The following IQCM variants were observed in gnomAD, a reference collection of about 807,000 sequenced individuals.
The protein encoded by IQCM is IQ domain-containing protein M.
A neutral mutation model predicts 57.6 loss-of-function variants in IQCM; 45 were observed. That is an observed-to-expected ratio of 0.78 (90% CI 0.62 to 1.00). The LOEUF (loss-of-function observed/expected upper bound fraction) is 1.00. IQCM is among the 50% of genes least tolerant of loss of function. The pLI, the probability that IQCM is intolerant of heterozygous loss-of-function variation, is 0.00. For synonymous variants in IQCM, 148 were observed against 158.9 expected (o/e 0.93, Z 0.51); for missense variants, 468 against 511.6 (o/e 0.91, Z 0.82).
At chr4:149,495,335 A>C (rs191408629) in intron 12 of IQCM, among the ~76,000 whole-genome samples, 1 of 152,226 alleles carries the variant, frequency 6.6e-6, no homozygotes, top group Admixed American at 6.5e-5. Flanking sequence ...TGAGCTAAGC[A>C]CTAGTTTGAG....
intron 12 of IQCM, among the ~76,000 whole-genome samples, chr4:149,531,256 T>G (rs2149852426): frequency 6.6e-6 from 1 of 152,328 alleles, no homozygotes; most frequent in Middle Eastern, 3.4e-3. Flanking sequence ...GTTTTACCTC[T>G]TAAGCATCTG....
rs554571130 is a variant in IQCM, at chr4:149,356,444, G to A, written c.1391-4378C>T. Among the ~76,000 whole-genome samples, 50 of 151,944 alleles carry A rather than the reference G, an allele frequency of 3.3e-4. 1 individual carries two copies. The South Asian group carries it at 1.0e-2, about 30-fold the overall frequency. On this transcript the variant is annotated intron_variant, in intron 13 of 13. Transcript: ENST00000636793. ...GTATAAGGTGTAAGGAAGGGATCCA[G>A]TTTCAGCTTTCTACATATGGCTAGC...
At chr4:149,652,369 G>A (rs957429109) in intron 7 of IQCM, among the ~76,000 whole-genome samples, 1 of 151,896 alleles carries the variant, frequency 6.6e-6, no homozygotes, top group African/African-American at 2.4e-5. Context: ...CCCAGATGAC[G>A]GGATGATAGG....
chr4:149,586,460 A>T (rs961258035), intron 9 of IQCM, among the ~76,000 whole-genome samples: 2 of 151,566 alleles, frequency 1.3e-5, no homozygotes, highest in African/African-American at 4.8e-5. Context: ...CCTCTCTTTC[A>T]TTCCTGATAT....
intron 8 of IQCM, among the ~76,000 whole-genome samples, chr4:149,608,058 T>G (rs996436846): frequency 6.6e-6 from 1 of 151,316 alleles, no homozygotes; most frequent in African/African-American, 2.4e-5. Context: ...CACATAGACT[T>G]AAAATAAAGG....
At position 149,621,216 on chromosome 4, in the gene IQCM, A is replaced by T. The variant is rs1049589493; in HGVS notation, c.594T>A (p.Phe198Leu). 17 of 1,231,626 alleles carry T rather than the reference A, an allele frequency of 1.4e-5. No homozygotes were observed. The East Asian group carries it at 5.4e-4, about 39-fold the overall frequency. The allele number at this position is 1,231,626 out of a possible 1,614,324, so 76.3% of individuals were successfully genotyped here. A position where few individuals can be genotyped will look rare whatever the true frequency, so the allele number is the denominator to read the frequency against. Residue 198 changes from phenylalanine to leucine, a missense_variant, in exon 8 of 14, where the codon TTT becomes TTA. Physicochemically the swap from Phe to Leu is conservative, Grantham distance 22 (BLOSUM62 0). Transcript: ENST00000636793. ...CCAAACGGAAAGACCTTGTCAGCAC[A>T]AATCCTCTCCAGTCATAGAATGCTT... ...PDKAFYDWRG[F>L]VLTRSFRLAC... is the part of the protein sequence containing the mutation.
chr4:149,405,238 T>C (rs999220658), intron 13 of IQCM, among the ~76,000 whole-genome samples: 1 of 152,126 alleles, frequency 6.6e-6, no homozygotes, highest in Non-Finnish European at 1.5e-5. Flanking sequence ...GAAGGGTTTG[T>C]TGATCACTGA....
At chr4:149,812,049 G>A (rs1050834334) in intron 2 of IQCM, among the ~76,000 whole-genome samples, 6 of 152,164 alleles carry the variant, frequency 3.9e-5, no homozygotes, top group Non-Finnish European at 7.3e-5. Context: ...TCCTAACTAG[G>A]AGAATAAAGC....
intron 8 of IQCM, among the ~76,000 whole-genome samples, chr4:149,594,143 T>G (rs1410813632): frequency 6.6e-6 from 1 of 152,212 alleles, no homozygotes; most frequent in African/African-American, 2.4e-5. Flanking sequence ...GAGCCTGTTA[T>G]TGGTCTATTC....
intron 12 of IQCM, among the ~76,000 whole-genome samples, chr4:149,503,171 T>C (rs1743441197): frequency 6.6e-6 from 1 of 152,228 alleles, no homozygotes; most frequent in Middle Eastern, 3.4e-3. Context: ...CAGTGAGCTA[T>C]GATCATGCCA....
chr4:149,392,141 C>T (rs535130580), intron 13 of IQCM, among the ~76,000 whole-genome samples: 1 of 143,238 alleles, frequency 7.0e-6, no homozygotes, highest in African/African-American at 2.6e-5. Flanking sequence ...TTTTTTTTCA[C>T]ATAGTTTGGG....
intron 12 of IQCM, among the ~76,000 whole-genome samples, chr4:149,522,457 A>T (rs1745750436): frequency 6.6e-6 from 1 of 152,240 alleles, no homozygotes; most frequent in African/African-American, 2.4e-5. Flanking sequence ...TAACGTAAGA[A>T]AACATACCAT....
intron 12 of IQCM, among the ~76,000 whole-genome samples, chr4:149,500,812 A>G (rs563769199): frequency 6.6e-6 from 1 of 152,312 alleles, no homozygotes; most frequent in African/African-American, 2.4e-5. Context: ...AGAAGAATAG[A>G]TGAATAGCCC....
rs1206834951 is a variant in IQCM at position 149,437,521 on chromosome 4, T to C, written c.1229-3964A>G. Among the ~76,000 whole-genome samples, 3 of 152,016 alleles carry C rather than the reference T, an allele frequency of 2.0e-5. No individual in the cohort carries two copies. In the East Asian group the frequency reaches 5.8e-4, roughly 29 times the overall value. ...CTTCTCAGGTAAGTGAGGCTCGTTA[T>C]GCTTAATATTCAGGGTGGATGAGGA... On this transcript the variant is annotated intron_variant, in intron 12 of 13. Transcript: ENST00000636793.
intron 8 of IQCM, among the ~76,000 whole-genome samples, chr4:149,594,593 A>G (rs1319102536): frequency 2.0e-5 from 3 of 152,164 alleles, no homozygotes; most frequent in Non-Finnish European, 4.4e-5. Context: ...GTGGGCATTT[A>G]GTGCTATAAA....
At chr4:149,416,510 C>G (rs72724078) in intron 13 of IQCM, among the ~76,000 whole-genome samples, 32,889 of 151,848 alleles carry the variant, frequency 0.22, 4,464 homozygotes, top group Non-Finnish European at 0.29. Flanking sequence ...GCCTGAAAAA[C>G]AGTAAGTGAT....
chr4:149,727,975 T>A (rs1369933214), intron 5 of IQCM, among the ~76,000 whole-genome samples: 1 of 152,198 alleles, frequency 6.6e-6, no homozygotes, highest in Admixed American at 6.5e-5. Flanking sequence ...ATTGGCTATG[T>A]TAAGAGTATT....
At chr4:149,484,850 C>G (rs1011548295) in intron 12 of IQCM, among the ~76,000 whole-genome samples, 1 of 151,962 alleles carries the variant, frequency 6.6e-6, no homozygotes, top group Non-Finnish European at 1.5e-5. Context: ...TTAAAGAATT[C>G]CCCTTTGTGT....
intron 5 of IQCM, among the ~76,000 whole-genome samples, chr4:149,715,049 A>C (rs1382032376): frequency 1.3e-5 from 2 of 152,374 alleles, no homozygotes; most frequent in East Asian, 3.9e-4. Flanking sequence ...GTGAAACCAC[A>C]GAAAACAAAA....
Sources: gnomAD v4.1 joint callset for allele counts (sites outside exome capture counted in the v4.1 genomes callset) on GRCh38, gnomAD v4.1.1 for gene constraint, MANE v1.5 for transcripts, NCBI Gene and HGNC (gene_info 2026-07-23, HGNC 2026-07-21) for gene names.